The following BAZ2B variants were observed in gnomAD, a reference collection of about 807,000 sequenced individuals.
BAZ2B encodes bromodomain adjacent to zinc finger domain 2B.
A neutral mutation model predicts 246.0 loss-of-function variants in BAZ2B; 91 were observed. The observed-to-expected ratio is 0.37, with a 90% CI of 0.31 to 0.44. The LOEUF (loss-of-function observed/expected upper bound fraction) is 0.44. Ranked by LOEUF, BAZ2B falls within the 20% of genes least tolerant of loss-of-function variation. BAZ2B has a pLI of 1.00. For missense variants in BAZ2B, 2,332 were observed against 2,533.7 expected (o/e 0.92, Z 1.71); for synonymous variants, 855 against 860.0 (o/e 0.99, Z 0.10).
chr2:159,532,902 G>A (rs2085521558), intron 2 of BAZ2B, among the ~76,000 whole-genome samples: 1 of 152,110 alleles, frequency 6.6e-6, no homozygotes, highest in Non-Finnish European at 1.5e-5. Flanking sequence ...TATACATGGA[G>A]AGACAGAAAA....
rs778954553 is a variant in BAZ2B, at chr2:159,478,622, C to A, written c.98G>T (p.Gly33Val). 1.2e-6 allele frequency: 2 copies of A among 1,611,494 alleles called. No homozygotes were observed. Among genetic ancestry groups the A allele is most frequent in the Non-Finnish European group, 8.5e-7 (1 of 1,178,520 alleles). The part of the protein sequence containing the change: ...PSVASVVSKG[G>V]LSTGVASLSS... ...AAGTGAAGCAACTCCAGTGGAAAGG[C>A]CACCTTTTGAAACTACTGAAGCCAC... Residue 33 changes from glycine (G) to valine (V), a missense_variant, in exon 3 of 37, where the codon GGC (glycine) becomes GTC (valine). By Grantham distance (109) the Gly-to-Val change is moderately radical (BLOSUM62 -3). Coordinates refer to ENST00000392783, the MANE Select transcript of BAZ2B (RefSeq NM_013450.4).
At chr2:159,428,476 A>C in intron 11 of BAZ2B, 57 bp from the exon 12 acceptor site, 1 of 1,369,574 alleles carries the variant, frequency 7.3e-7, no homozygotes. Flanking sequence ...AGCTTTTAAA[A>C]ATTAAAAATA....
intron 1 of BAZ2B, among the ~76,000 whole-genome samples, chr2:159,590,106 G>C (rs1229674128): frequency 7.0e-6 from 1 of 143,274 alleles, no homozygotes; most frequent in African/African-American, 2.6e-5. Context: ...AGAATCGCTT[G>C]AACCTGGGAG....
chr2:159,473,396 T>G (rs1341262028), intron 3 of BAZ2B, among the ~76,000 whole-genome samples: 1 of 152,260 alleles, frequency 6.6e-6, no homozygotes, highest in Non-Finnish European at 1.5e-5. Flanking sequence ...TTTGTATTTC[T>G]GTGGGATCAG....
chr2:159,712,126 G>A, the BAZ2B span: 1 of 152,136 alleles, frequency 6.6e-6, no homozygotes, highest in Non-Finnish European at 1.5e-5. Flanking sequence ...AACCAGCTGG[G>A]CGTTATTTCG....
At chr2:159,492,024 A>C (rs1334783941) in intron 2 of BAZ2B, among the ~76,000 whole-genome samples, 1 of 152,150 alleles carries the variant, frequency 6.6e-6, no homozygotes, top group Non-Finnish European at 1.5e-5. Flanking sequence ...CTATTCTCCC[A>C]TTCGTATTAA....
intron 3 of BAZ2B, among the ~76,000 whole-genome samples, chr2:159,466,846 A>G (rs1577375494): frequency 6.6e-6 from 1 of 152,170 alleles, no homozygotes; most frequent in African/African-American, 2.4e-5. Flanking sequence ...CAGGTCCTCA[A>G]TGGATTAGAT....
intron 2 of BAZ2B, among the ~76,000 whole-genome samples, chr2:159,490,024 T>C (rs1559597729): frequency 6.6e-6 from 1 of 152,250 alleles, no homozygotes; most frequent in Non-Finnish European, 1.5e-5. Context: ...AATTACATTA[T>C]ATTGGTTTTC....
At chr2:159,358,195 T>TG (rs2059318698) in intron 27 of BAZ2B, among the ~76,000 whole-genome samples, 1 of 152,280 alleles carries the variant, frequency 6.6e-6, no homozygotes, top group South Asian at 2.1e-4. Context: ...CAAGACCCTT[T>TG]GGTGTGCTGT....
chr2:159,339,938 G>C (rs1373455503), intron 31 of BAZ2B, among the ~76,000 whole-genome samples: 4 of 152,108 alleles, frequency 2.6e-5, no homozygotes, highest in African/African-American at 9.7e-5. Context: ...GAGAGAGTGA[G>C]AGTAAGAGAA....
intron 1 of BAZ2B, among the ~76,000 whole-genome samples, chr2:159,585,322 T>C (rs1687789412): frequency 6.6e-6 from 1 of 152,196 alleles, no homozygotes; most frequent in Admixed American, 6.6e-5. Flanking sequence ...AAGAATGTGA[T>C]AGGAAACTTC....
In BAZ2B at chr2:159,430,897, T is replaced by C. The variant is rs758240267; in HGVS notation, c.2160A>G (p.Thr720=). ...GGCTTGAAGTAAGTGTGGAAGAAGA[T>C]GTACCAAGAAAAGCAGGTGACTGGG... is the stretch of plus-strand genomic sequence containing the variant. ...SESQSPAFLG[T]SSSTLTSSPH... is the part of the protein sequence containing the mutation. Residue 720 remains threonine (T), a synonymous_variant, in exon 10 of 37, where the codon ACA becomes ACG. Transcript: ENST00000392783. 2.5e-6 allele frequency: 4 copies of C among 1,613,888 alleles called. No homozygotes were observed. Among genetic ancestry groups the C allele is most frequent in the South Asian group, 1.1e-5 (1 of 91,060 alleles).
chr2:159,502,881 C>T (rs1251063873), intron 2 of BAZ2B, among the ~76,000 whole-genome samples: 1 of 152,140 alleles, frequency 6.6e-6, no homozygotes. Context: ...TCTTGCACCT[C>T]CACATTACAT....
chr2:159,446,653 C>A (rs866288041), intron 6 of BAZ2B, 129 bp downstream of exon 6: 5 of 765,952 alleles, frequency 6.5e-6, no homozygotes, highest in Non-Finnish European at 1.0e-5. Flanking sequence ...CACCATAAAT[C>A]ACGTATCTAT....
At chr2:159,333,232 A>G (rs946517045) in intron 33 of BAZ2B, among the ~76,000 whole-genome samples, 6 of 152,216 alleles carry the variant, frequency 3.9e-5, no homozygotes, top group African/African-American at 2.4e-5. Flanking sequence ...AAATGTGTTC[A>G]AACCAGGAAA....
intron 21 of BAZ2B, among the ~76,000 whole-genome samples, chr2:159,389,023 C>T (rs1485412453): frequency 6.6e-6 from 1 of 152,066 alleles, no homozygotes; most frequent in Admixed American, 6.6e-5. Context: ...GAAGTTGAGG[C>T]TTCAGTGAGC....
rs575399819 is a variant in BAZ2B, at chr2:159,336,343, A to G, written c.5796+599T>C. Reference sequence around the variant, plus strand: ...CACACACCATTTTGGTGCCTGATACAAAATAGAGATTTTTGTGATAAACTA... The same window carrying G: ...CACACACCATTTTGGTGCCTGATACGAAATAGAGATTTTTGTGATAAACTA... On this transcript the variant is annotated intron_variant, in intron 33 of 36. Coordinates refer to ENST00000392783, the MANE Select transcript of BAZ2B (RefSeq NM_013450.4). Among the ~76,000 whole-genome samples the G allele has an allele frequency of 3.9e-5, 6 of 152,348 alleles. No homozygotes were observed. In the South Asian group the frequency reaches 6.2e-4, roughly 16 times the overall value.
At position 159,349,082 on chromosome 2, in the gene BAZ2B, C is replaced by G. The variant is rs200931369; in HGVS notation, c.5062G>C (p.Ala1688Pro). The change falls in exon 29 of 37, where the codon GCC (alanine) becomes CCC (proline). Residue 1688 changes from alanine to proline, a missense_variant. By Grantham distance (27) the Ala-to-Pro change is conservative. Around this residue, in one of 9 missense-constraint regions of BAZ2B, gnomAD observed 676 missense variants for 668.6 expected, o/e 1.01. Coordinates refer to ENST00000392783, the MANE Select transcript of BAZ2B (RefSeq NM_013450.4). ...SESPVPQNEK[A>P]TSAQPAAVEV... ...ACAGCTGCAGGTTGAGCTGAAGTGG[C>G]CTTTTCATTCTGTGGTACTGGAGAT... 6.2e-7 allele frequency: 1 copy of G among 1,614,064 alleles called. No homozygotes were observed. The highest frequency in any genetic ancestry group is 8.5e-7 in the Non-Finnish European group (1 of 1,179,988).
At chr2:159,458,151 C>G (rs1350710797) in intron 3 of BAZ2B, among the ~76,000 whole-genome samples, 1 of 150,576 alleles carries the variant, frequency 6.6e-6, no homozygotes, top group African/African-American at 2.4e-5. Context: ...GGGATTTCAG[C>G]TGTGTGCCAC....
Sources: allele counts gnomAD v4.1 joint callset (sites outside exome capture counted in the v4.1 genomes callset), GRCh38; gene constraint gnomAD v4.1.1; regional missense constraint gnomAD v4.1.1; transcripts MANE v1.5; gene names NCBI Gene and HGNC (gene_info 2026-07-23, HGNC 2026-07-21).